Variants in SPMIP7 observed in about 807,000 individuals in gnomAD.
SPMIP7 encodes the protein protein SPMIP7.
At chr7:50,145,616 GTGTATATATATATATATATATATATATA>G in the SPMIP7 span, among the ~76,000 whole-genome samples, 2 of 26,950 alleles carry the variant, frequency 7.4e-5, no homozygotes, top group African/African-American at 3.0e-4. Flanking sequence ...GTATATGTGT[GTGTATATATATATATATATATATATATA>G]TATATATATA....
chr7:50,116,556 C>T, the SPMIP7 span, among the ~76,000 whole-genome samples: 14 of 152,148 alleles, frequency 9.2e-5, no homozygotes, highest in African/African-American at 3.4e-4. Context: ...ATTCAAGAAT[C>T]CTATGGCAAA....
the SPMIP7 span, chr7:50,159,011 C>G: frequency 1.3e-6 from 2 of 1,547,568 alleles, no homozygotes; most frequent in African/African-American, 1.4e-5. Context: ...TCTTTTATGT[C>G]TCATTTTCCT....
chr7:50,149,895 C>T, the SPMIP7 span, among the ~76,000 whole-genome samples: 1 of 152,152 alleles, frequency 6.6e-6, no homozygotes, highest in Non-Finnish European at 1.5e-5. Context: ...TTCTCCCTCA[C>T]CCAAGTCCTT....
the SPMIP7 span, among the ~76,000 whole-genome samples, chr7:50,103,322 G>A: frequency 6.6e-6 from 1 of 151,972 alleles, no homozygotes; most frequent in Non-Finnish European, 1.5e-5. Context: ...TAGGAGAATC[G>A]ATCTCTATGG....
the SPMIP7 span, chr7:50,151,363 T>C: frequency 1.9e-6 from 2 of 1,041,880 alleles, no homozygotes; most frequent in Non-Finnish European, 1.4e-6. Flanking sequence ...TTTATATTTT[T>C]CATATTTGGG....
the SPMIP7 span, among the ~76,000 whole-genome samples, chr7:50,148,933 T>A: frequency 6.6e-6 from 1 of 151,982 alleles, no homozygotes; most frequent in Non-Finnish European, 1.5e-5. Flanking sequence ...GATCACAAGG[T>A]CAGGAGTTCA....
the SPMIP7 span, among the ~76,000 whole-genome samples, chr7:50,110,902 T>C: frequency 2.2e-5 from 3 of 137,204 alleles, no homozygotes; most frequent in Non-Finnish European, 4.6e-5. Flanking sequence ...TAATATATGA[T>C]TATATATAAA....
the SPMIP7 span, among the ~76,000 whole-genome samples, chr7:50,125,501 G>A: frequency 2.0e-5 from 3 of 150,322 alleles, no homozygotes; most frequent in South Asian, 4.2e-4. Flanking sequence ...ATGGAGGATA[G>A]ATACACAAGA....
the SPMIP7 span, among the ~76,000 whole-genome samples, chr7:50,145,131 T>A: frequency 6.6e-6 from 1 of 151,750 alleles, no homozygotes; most frequent in Non-Finnish European, 1.5e-5. Flanking sequence ...GGCTTGGTGG[T>A]GAGCGCCTGT....
the SPMIP7 span, chr7:50,158,980 G>A: frequency 6.7e-7 from 1 of 1,497,488 alleles, no homozygotes. Context: ...TTAGTTGGAT[G>A]AGGTTGTGTA....
chr7:50,104,091 T>G, the SPMIP7 span, among the ~76,000 whole-genome samples: 19 of 152,168 alleles, frequency 1.2e-4, no homozygotes, highest in Admixed American at 1.2e-3. Context: ...TAATAATAAG[T>G]AAGAAATAAC....
At chr7:50,104,832 C>T in the SPMIP7 span, among the ~76,000 whole-genome samples, 1 of 152,322 alleles carries the variant, frequency 6.6e-6, no homozygotes, top group East Asian at 1.9e-4. Context: ...ATGCTACTCT[C>T]CAGCTGCATT....
chr7:50,147,416 C>T, the SPMIP7 span, among the ~76,000 whole-genome samples: 68,825 of 151,904 alleles, frequency 0.45, 15,968 homozygotes, highest in East Asian at 0.73. Context: ...GTCAGTTTCT[C>T]CATCTATAAA....
chr7:50,113,434 A>C, the SPMIP7 span, among the ~76,000 whole-genome samples: 1 of 152,196 alleles, frequency 6.6e-6, no homozygotes, highest in Non-Finnish European at 1.5e-5. Context: ...CAGCTATTAC[A>C]AATCTGTTTC....
the SPMIP7 span, among the ~76,000 whole-genome samples, chr7:50,102,884 G>A: frequency 1.3e-5 from 2 of 151,010 alleles, no homozygotes. Context: ...GTCATTAAAG[G>A]TTAGGAAAAT....
the SPMIP7 span, among the ~76,000 whole-genome samples, chr7:50,156,742 T>C: frequency 6.6e-6 from 1 of 152,080 alleles, no homozygotes; most frequent in African/African-American, 2.4e-5. Flanking sequence ...CTCTGAGTCC[T>C]GTGGTCCCAT....
At chr7:50,125,733 G>A in the SPMIP7 span, among the ~76,000 whole-genome samples, 1 of 151,928 alleles carries the variant, frequency 6.6e-6, no homozygotes, top group East Asian at 1.9e-4. Flanking sequence ...CACAGAAACA[G>A]AAATATTGCA....
the SPMIP7 span, among the ~76,000 whole-genome samples, chr7:50,145,411 A>C: frequency 6.6e-6 from 1 of 150,998 alleles, no homozygotes; most frequent in Non-Finnish European, 1.5e-5. Flanking sequence ...ATATAATTTC[A>C]GTGCTTTGCA....
the SPMIP7 span, among the ~76,000 whole-genome samples, chr7:50,156,591 C>A: frequency 1.3e-5 from 2 of 151,670 alleles, no homozygotes; most frequent in African/African-American, 4.8e-5. Context: ...GCTGGGGCAC[C>A]CAAGGTGACC....
Sources: allele counts gnomAD v4.1 joint callset (sites outside exome capture counted in the v4.1 genomes callset), GRCh38; gene constraint gnomAD v4.1.1; transcripts MANE v1.5; gene names NCBI Gene and HGNC (gene_info 2026-07-23, HGNC 2026-07-21).